Variants in ADAMTSL1 observed in about 807,000 individuals in gnomAD.
ADAMTSL1 encodes the protein ADAMTS like 1, also known as ADAMTS-like protein 1.
In ADAMTSL1, 126 loss-of-function variants were observed where a neutral mutation model predicts 201.8. That is an observed-to-expected ratio of 0.62 (90% CI 0.54 to 0.72). ADAMTSL1 has a LOEUF of 0.72. Ranked by LOEUF, ADAMTSL1 falls within the 30% of genes least tolerant of loss-of-function variation. The pLI is 0.00. For synonymous variants in ADAMTSL1, 1,121 were observed against 903.4 expected (o/e 1.24, Z -4.32); for missense variants, 2,679 against 2,277.8 (o/e 1.18, Z -3.59).
intron 1 of ADAMTSL1, among the ~76,000 whole-genome samples, chr9:18,098,471 T>C (rs1431578866): frequency 4.6e-5 from 7 of 152,216 alleles, no homozygotes; most frequent in Admixed American, 1.3e-4. Context: ...TTTGTTAAAT[T>C]TATTTCAAAG....
intron 3 of ADAMTSL1, among the ~76,000 whole-genome samples, chr9:18,537,974 G>GAA (rs1819894571): frequency 6.6e-6 from 1 of 151,410 alleles, no homozygotes; most frequent in South Asian, 2.1e-4. Flanking sequence ...GAAGAAAGAA[G>GAA]AAGAGGAGGA....
intron 2 of ADAMTSL1, among the ~76,000 whole-genome samples, chr9:18,271,396 A>T (rs13292897): frequency 0.078 from 11,892 of 151,944 alleles, 524 homozygotes; most frequent in African/African-American, 0.11. Context: ...TCATTGTTCA[A>T]TTCCCACCTA....
intron 2 of ADAMTSL1, among the ~76,000 whole-genome samples, chr9:18,232,514 T>C (rs568009479): frequency 1.3e-5 from 2 of 152,256 alleles, no homozygotes; most frequent in Non-Finnish European, 2.9e-5. Context: ...GTCCCTTTTT[T>C]TCGCTGATGT....
At chr9:17,922,047 T>C (rs1319728829) in intron 1 of ADAMTSL1, among the ~76,000 whole-genome samples, 1 of 150,380 alleles carries the variant, frequency 6.6e-6, no homozygotes, top group African/African-American at 2.4e-5. Context: ...TCATGTGTGG[T>C]ATTAAAAATG....
chr9:18,172,272 A>T (rs1429134277), intron 2 of ADAMTSL1, among the ~76,000 whole-genome samples: 1 of 152,126 alleles, frequency 6.6e-6, no homozygotes, highest in Non-Finnish European at 1.5e-5. Flanking sequence ...AACTTAAAGT[A>T]TATATAAAAA....
At chr9:18,108,119 C>A (rs972606870) in intron 1 of ADAMTSL1, among the ~76,000 whole-genome samples, 2 of 151,904 alleles carry the variant, frequency 1.3e-5, no homozygotes, top group African/African-American at 2.4e-5. Flanking sequence ...TTAGTTTCCT[C>A]CAAAGCCCAA....
chr9:18,616,663 G>A (rs953429946), intron 4 of ADAMTSL1, among the ~76,000 whole-genome samples: 6 of 152,046 alleles, frequency 3.9e-5, no homozygotes, highest in African/African-American at 1.5e-4. Flanking sequence ...CTCAAATCCA[G>A]ATGTGACCTC....
At chr9:18,025,783 T>G (rs1300973377) in intron 1 of ADAMTSL1, among the ~76,000 whole-genome samples, 1 of 152,158 alleles carries the variant, frequency 6.6e-6, no homozygotes, top group Non-Finnish European at 1.5e-5. Context: ...TTTCTAATTC[T>G]CTGAGAAATT....
intron 26 of ADAMTSL1, among the ~76,000 whole-genome samples, chr9:18,896,649 C>G (rs1214527133): frequency 1.3e-4 from 20 of 152,212 alleles, no homozygotes; most frequent in Admixed American, 1.3e-3. Context: ...CCTTCACCCC[C>G]CAGCCAAGGG....
chr9:18,872,649 G>A (rs969823207), intron 23 of ADAMTSL1, among the ~76,000 whole-genome samples: 3 of 152,136 alleles, frequency 2.0e-5, no homozygotes, highest in Non-Finnish European at 4.4e-5. Context: ...CATTCAGGTT[G>A]CTGCAAATGC....
At chr9:18,876,554 T>G (rs1231335516) in intron 23 of ADAMTSL1, among the ~76,000 whole-genome samples, 1 of 152,182 alleles carries the variant, frequency 6.6e-6, no homozygotes, top group African/African-American at 2.4e-5. Flanking sequence ...GATAATAGTT[T>G]TGTTTAAGGA....
chr9:18,514,923 C>G (rs560501048), intron 2 of ADAMTSL1, among the ~76,000 whole-genome samples: 1 of 152,212 alleles, frequency 6.6e-6, no homozygotes, highest in Non-Finnish European at 1.5e-5. Flanking sequence ...CACATATGGC[C>G]TTAGTTATTT....
intron 2 of ADAMTSL1, among the ~76,000 whole-genome samples, chr9:18,334,501 T>C (rs1287311592): frequency 6.6e-6 from 1 of 152,210 alleles, no homozygotes; most frequent in Non-Finnish European, 1.5e-5. Flanking sequence ...ATTCCAAAAT[T>C]ATATTCTACA....
chr9:18,038,553 T>C (rs575038798), intron 1 of ADAMTSL1, among the ~76,000 whole-genome samples: 13 of 152,334 alleles, frequency 8.5e-5, no homozygotes, highest in Admixed American at 3.3e-4. Context: ...CTGTATCTTT[T>C]GTGTCTGCTA....
chr9:18,410,787 C>T (rs1004240077), intron 2 of ADAMTSL1, among the ~76,000 whole-genome samples: 1 of 151,440 alleles, frequency 6.6e-6, no homozygotes, highest in African/African-American at 2.4e-5. Flanking sequence ...TGTCTTTGCC[C>T]TGAATCTTTT....
rs113555114 is a variant in ADAMTSL1, at chr9:18,800,067, C to G, written c.3805+4543C>G. 1.4e-3 allele frequency among the ~76,000 whole-genome samples: 216 copies of G among 152,148 alleles called. 3 individuals carry two copies. Among genetic ancestry groups the G allele is most frequent in the Middle Eastern group, 6.8e-3 (2 of 294 alleles). ...AAAGGCTAACAAAGGAAGATTTGCT[C>G]CCATGCACTAGATCAAAAGGAAAAG... On this transcript the variant is annotated intron_variant, in intron 20 of 28. Coordinates refer to ENST00000380548, the MANE Select transcript of ADAMTSL1 (RefSeq NM_001040272.6).
At chr9:18,436,262 G>A (rs1480390591) in intron 2 of ADAMTSL1, among the ~76,000 whole-genome samples, 1 of 152,054 alleles carries the variant, frequency 6.6e-6, no homozygotes, top group African/African-American at 2.4e-5. Context: ...AGGAGGAGGT[G>A]TCCAGCCACT....
chr9:18,006,252 A>T (rs758626528), intron 1 of ADAMTSL1, among the ~76,000 whole-genome samples: 1 of 152,032 alleles, frequency 6.6e-6, no homozygotes, highest in Non-Finnish European at 1.5e-5. Context: ...CTTCAACAGC[A>T]TAGAAACATA....
chr9:18,228,481 C>A (rs995149433), intron 2 of ADAMTSL1, among the ~76,000 whole-genome samples: 3 of 152,106 alleles, frequency 2.0e-5, no homozygotes, highest in African/African-American at 7.2e-5. Flanking sequence ...AGTGCAATGG[C>A]AAGATCATAG....
Sources: allele counts gnomAD v4.1 joint callset (sites outside exome capture counted in the v4.1 genomes callset), GRCh38; gene constraint gnomAD v4.1.1; transcripts MANE v1.5; gene names NCBI Gene and HGNC (gene_info 2026-07-23, HGNC 2026-07-21).